Variants in PAXBP1 observed in about 807,000 individuals in gnomAD.
The protein encoded by PAXBP1 is PAX3 and PAX7 binding protein 1, also known as PAX3- and PAX7-binding protein 1.
PAXBP1 carries 44 observed loss-of-function variants against 119.9 expected under a neutral mutation model. The observed-to-expected ratio is 0.37, with a 90% CI of 0.29 to 0.47. The LOEUF (loss-of-function observed/expected upper bound fraction) is 0.47. PAXBP1 is among the 20% of genes least tolerant of loss of function. PAXBP1 has a pLI of 0.99. For synonymous variants in PAXBP1, 393 were observed against 406.6 expected, an observed-to-expected ratio of 0.97 and a Z score of 0.40; for missense variants, 898 against 1,134.1, an observed-to-expected ratio of 0.79 and a Z score of 2.99.
intron 15 of PAXBP1, among the ~76,000 whole-genome samples, chr21:32,741,020 A>G (rs1302679799): frequency 6.6e-6 from 1 of 152,196 alleles, no homozygotes; most frequent in East Asian, 1.9e-4. Context: ...GAAAACCACA[A>G]TGAGATACCA....
chr21:32,749,472 G>C (rs1363746000), intron 10 of PAXBP1, among the ~76,000 whole-genome samples: 29 of 152,082 alleles, frequency 1.9e-4, no homozygotes, highest in Admixed American at 1.9e-3. Context: ...GGGATTACAG[G>C]TGTGAGCCAC....
chr21:32,758,514 GA>G (rs1026151707), intron 7 of PAXBP1, among the ~76,000 whole-genome samples: 2 of 150,986 alleles, frequency 1.3e-5, no homozygotes, highest in East Asian at 1.9e-4. Flanking sequence ...CTATCCTATT[GA>G]AAAAAACAAA....
At chr21:32,743,033 G>A (rs1569155731) in intron 15 of PAXBP1, 1 of 651,496 alleles carries the variant, frequency 1.5e-6, no homozygotes. Flanking sequence ...TGAGTACGAT[G>A]GACCTTACTT....
chr21:32,769,399 T>C (rs972148991), intron 2 of PAXBP1, among the ~76,000 whole-genome samples: 3 of 152,046 alleles, frequency 2.0e-5, no homozygotes, highest in Non-Finnish European at 4.4e-5. Context: ...TTCCTAAAAG[T>C]TCTCTAAGAA....
intron 2 of PAXBP1, among the ~76,000 whole-genome samples, chr21:32,767,586 A>G (rs2044262249): frequency 1.3e-5 from 2 of 152,174 alleles, no homozygotes; most frequent in African/African-American, 4.8e-5. Flanking sequence ...AGGTAACTAA[A>G]TCATGGGGGC....
At chr21:32,755,862 T>A (rs965162683) in intron 7 of PAXBP1, 5 of 170,190 alleles carry the variant, frequency 2.9e-5, no homozygotes, top group Non-Finnish European at 6.3e-5. Flanking sequence ...CTGCCACTCA[T>A]ATGTACCAAG....
rs143512881 is a variant in PAXBP1 at position 32,734,961 on chromosome 21, C to A, written c.2743G>T (p.Glu915Ter). 7 of 1,612,556 alleles carry A rather than the reference C, an allele frequency of 4.3e-6. No homozygotes were observed. Among genetic ancestry groups the A allele is most frequent in the Non-Finnish European group, 5.9e-6 (7 of 1,178,794 alleles). Reference protein sequence around the residue: ...HNVKEFKSLIEGK With the variant: ...HNVKEFKSLI ...TCAGTCTCATAGATCTATTTTCCTT[C>A]GATCAAAGACTTAAATTCTTTCACA... Residue 915 changes from glutamate (E) to a stop codon, truncating the protein, a stop_gained, in exon 18 of 18, where the codon GAA becomes TAA. Coordinates refer to ENST00000331923, the MANE Select transcript of PAXBP1 (RefSeq NM_016631.4). LOFTEE classifies it high-confidence loss of function.
chr21:32,734,984 A>G lies in PAXBP1; in HGVS notation c.2720T>C (p.Val907Ala). 2 of 1,613,902 alleles carry G rather than the reference A, an allele frequency of 1.2e-6. No homozygotes were observed. Among genetic ancestry groups the G allele is most frequent in the Non-Finnish European group, 1.7e-6 (2 of 1,179,884 alleles). ...HAMSVASDHN[V>A]KEFKSLIEGK ...TTCGATCAAAGACTTAAATTCTTTC[A>G]CATTGTGGTCACTTGCAACAGACAT... The change falls in exon 18 of 18, where the codon GTG becomes GCG. Residue 907 changes from valine (V) to alanine (A), a missense_variant. This residue lies in a region of PAXBP1 where 599 missense variants were observed against 852.7 expected (regional missense o/e 0.70). Coordinates refer to ENST00000331923, the MANE Select transcript of PAXBP1 (RefSeq NM_016631.4).
At position 32,741,529 on chromosome 21, in the gene PAXBP1, G is replaced by T. The variant is rs766646009; in HGVS notation, c.2334+1719C>A. The T allele has an allele frequency of 6.4e-5, 50 of 778,292 alleles. No homozygotes were observed. The Admixed American group carries it at 7.6e-4, about 12-fold the overall frequency. 48.2% of individuals were successfully genotyped at this position (778,292 alleles called of 1,614,324 possible). ...ACTGCTCAAGAGAAGACAACACAAG[G>T]CCTGTCCGTCCAGATTCTTCTTGGC... On this transcript the variant is annotated intron_variant, in intron 15 of 17. Coordinates refer to ENST00000331923, the MANE Select transcript of PAXBP1 (RefSeq NM_016631.4).
chr21:32,742,898 T>C, intron 15 of PAXBP1: 1 of 457,184 alleles, frequency 2.2e-6, no homozygotes. Context: ...ATATATAGGG[T>C]TCGGTACTAT....
intron 5 of PAXBP1, among the ~76,000 whole-genome samples, chr21:32,760,704 C>T (rs1478793431): frequency 6.6e-6 from 1 of 152,126 alleles, no homozygotes; most frequent in African/African-American, 2.4e-5. Flanking sequence ...AAGCTTCTGA[C>T]TCTGTAGGTC....
intron 2 of PAXBP1, among the ~76,000 whole-genome samples, chr21:32,765,615 C>G (rs891101356): frequency 5.3e-5 from 8 of 152,162 alleles, no homozygotes; most frequent in African/African-American, 1.4e-4. Flanking sequence ...CCATACTGTA[C>G]TCCCTTAAGT....
chr21:32,743,061 T>C (rs1295769272), intron 15 of PAXBP1, 187 bp downstream of exon 15: 5 of 682,430 alleles, frequency 7.3e-6, no homozygotes, highest in South Asian at 3.0e-5. Flanking sequence ...CAGAAATCAC[T>C]TTCTCCTGTG....
intron 10 of PAXBP1, among the ~76,000 whole-genome samples, chr21:32,749,493 C>A (rs1299670479): frequency 6.6e-6 from 1 of 152,036 alleles, no homozygotes; most frequent in Non-Finnish European, 1.5e-5. Flanking sequence ...TGTGCCCAAC[C>A]AAGAATAAGA....
In PAXBP1 at chr21:32,740,153, T is replaced by C. The variant is rs554479052; in HGVS notation, c.2335-1834A>G. ...AAAGTCATCTCTCAGCTCACAGAGA[T>C]AGATGCATATTCTGATTGCCTCTTC... is the stretch of plus-strand genomic sequence containing the variant. On this transcript the variant is annotated intron_variant, in intron 15 of 17. Coordinates refer to ENST00000331923, the MANE Select transcript of PAXBP1 (RefSeq NM_016631.4). 1.1e-4 allele frequency among the ~76,000 whole-genome samples: 16 copies of C among 152,198 alleles called. No homozygotes were observed. The South Asian group carries it at 2.1e-3, about 20-fold the overall frequency.
intron 13 of PAXBP1, 27 bp from the exon 14 acceptor site, chr21:32,743,781 T>C (rs2043825590): frequency 1.6e-6 from 2 of 1,258,652 alleles, no homozygotes; most frequent in Non-Finnish European, 2.3e-6. Context: ...AGATCACACA[T>C]TTTAATAAGG....
chr21:32,736,290 G>C (rs1325149761), intron 17 of PAXBP1, among the ~76,000 whole-genome samples: 3 of 152,152 alleles, frequency 2.0e-5, no homozygotes, highest in Non-Finnish European at 2.9e-5. Flanking sequence ...CCAGGTTCAA[G>C]CAATTCCCCT....
chr21:32,771,255 T>TACGGGGGCGGGGG, intron 1 of PAXBP1, 71 bp downstream of exon 1: 2 of 1,377,612 alleles, frequency 1.5e-6, no homozygotes, highest in Non-Finnish European at 1.9e-6. Context: ...GTCCAGAGAA[T>TACGGGGGCGGGGG]ACGGGGGCGG....
intron 15 of PAXBP1, among the ~76,000 whole-genome samples, chr21:32,739,779 G>A (rs563150904): frequency 4.6e-5 from 7 of 151,210 alleles, no homozygotes; most frequent in Admixed American, 1.3e-4. Context: ...GGTGGTGGGC[G>A]CCTGTAGTCC....
Sources: gnomAD v4.1 joint callset for allele counts (sites outside exome capture counted in the v4.1 genomes callset) on GRCh38, gnomAD v4.1.1 for gene constraint, gnomAD v4.1.1 regional missense constraint, MANE v1.5 for transcripts, NCBI Gene and HGNC (gene_info 2026-07-23, HGNC 2026-07-21) for gene names.